The following R3HDM1 variants were observed in gnomAD, a reference collection of about 807,000 sequenced individuals.
R3HDM1 encodes R3H domain-containing protein 1.
A neutral mutation model predicts 141.1 loss-of-function variants in R3HDM1; 46 were observed. That is an observed-to-expected ratio of 0.33 (90% CI 0.26 to 0.42). The LOEUF (loss-of-function observed/expected upper bound fraction) is 0.42, where lower values mean the gene tolerates loss of function less well. Ranked by LOEUF, R3HDM1 falls within the 10% of genes least tolerant of loss-of-function variation. R3HDM1 has a pLI of 1.00. For missense variants in R3HDM1, 1,184 were observed against 1,368.3 expected (o/e 0.87, Z 2.12); for synonymous variants, 435 against 472.9 (o/e 0.92, Z 1.04).
chr2:135,709,963 C>A, intron 22 of R3HDM1, 96 bp from the exon 23 acceptor site: 1 of 1,284,452 alleles, frequency 7.8e-7, no homozygotes, highest in Non-Finnish European at 1.1e-6. Flanking sequence ...AAATTTTATT[C>A]AGAAATGTAA....
At chr2:135,706,420 C>T (rs1008428089) in intron 21 of R3HDM1, among the ~76,000 whole-genome samples, 1 of 147,566 alleles carries the variant, frequency 6.8e-6, no homozygotes, top group African/African-American at 2.5e-5. Context: ...GGGTGTTTCT[C>T]GCAGAGGGGG....
chr2:135,580,433 GT>G (rs1226405257), intron 1 of R3HDM1, among the ~76,000 whole-genome samples: 1 of 151,636 alleles, frequency 6.6e-6, no homozygotes, highest in African/African-American at 2.4e-5. Context: ...TTTATTATTG[GT>G]TTTTTTTGCA....
chr2:135,687,035 T>G (rs1043372871), intron 21 of R3HDM1, among the ~76,000 whole-genome samples: 1 of 152,096 alleles, frequency 6.6e-6, no homozygotes, highest in Non-Finnish European at 1.5e-5. Flanking sequence ...TCATCTCTAC[T>G]GAAAATACAA....
intron 1 of R3HDM1, among the ~76,000 whole-genome samples, chr2:135,588,552 T>A (rs954217612): frequency 6.6e-6 from 1 of 152,208 alleles, no homozygotes; most frequent in Non-Finnish European, 1.5e-5. Flanking sequence ...AATTAAATAC[T>A]ATATTTTAAA....
intron 2 of R3HDM1, among the ~76,000 whole-genome samples, chr2:135,604,489 G>A (rs1200152824): frequency 6.6e-6 from 1 of 152,036 alleles, no homozygotes; most frequent in Non-Finnish European, 1.5e-5. Flanking sequence ...TAGCAATAGG[G>A]TCTTGCTATG....
At chr2:135,593,804 T>A (rs576383560) in intron 1 of R3HDM1, among the ~76,000 whole-genome samples, 6 of 152,308 alleles carry the variant, frequency 3.9e-5, no homozygotes, top group African/African-American at 1.2e-4. Context: ...CACTGCAGTC[T>A]CCACCTCCCA....
chr2:135,706,211 C>G (rs959900265), intron 21 of R3HDM1, among the ~76,000 whole-genome samples: 2 of 151,620 alleles, frequency 1.3e-5, no homozygotes, highest in Non-Finnish European at 2.9e-5. Flanking sequence ...CTTGTAGAAG[C>G]ATTTCACAGC....
intron 7 of R3HDM1, among the ~76,000 whole-genome samples, chr2:135,629,823 G>C (rs1407346820): frequency 6.6e-6 from 1 of 152,102 alleles, no homozygotes; most frequent in African/African-American, 2.4e-5. Flanking sequence ...TTTAACAAAG[G>C]GAGTGATGTG....
At chr2:135,616,057 C>T (rs1387939092) in intron 3 of R3HDM1, 95 bp from the exon 4 acceptor site, 13 of 1,219,002 alleles carry the variant, frequency 1.1e-5, no homozygotes, top group Non-Finnish European at 1.4e-5. Context: ...ATACTTTATG[C>T]ACAGTTAGTT....
intron 21 of R3HDM1, among the ~76,000 whole-genome samples, chr2:135,690,387 T>C (rs1056831342): frequency 6.6e-6 from 1 of 152,164 alleles, no homozygotes; most frequent in Non-Finnish European, 1.5e-5. Context: ...TAAATAAAAT[T>C]TTGATTTTGC....
At chr2:135,546,961 C>T (rs568077072) in intron 1 of R3HDM1, among the ~76,000 whole-genome samples, 2 of 152,136 alleles carry the variant, frequency 1.3e-5, no homozygotes, top group African/African-American at 4.8e-5. Context: ...CATGAGCCAC[C>T]GCGCCCAGCC....
intron 4 of R3HDM1, among the ~76,000 whole-genome samples, 193 bp downstream of exon 4, chr2:135,616,386 T>C (rs1374814303): frequency 6.6e-6 from 1 of 152,182 alleles, no homozygotes; most frequent in Non-Finnish European, 1.5e-5. Flanking sequence ...ATCTTGATGG[T>C]TCTTTATCTG....
intron 16 of R3HDM1, among the ~76,000 whole-genome samples, chr2:135,646,390 C>T (rs1046746732): frequency 2.0e-5 from 3 of 151,568 alleles, no homozygotes; most frequent in Admixed American, 2.0e-4. Flanking sequence ...CCGCCTCGGC[C>T]TCCCAAAGTG....
intron 1 of R3HDM1, among the ~76,000 whole-genome samples, chr2:135,558,429 A>T (rs1701176927): frequency 6.6e-6 from 1 of 152,166 alleles, no homozygotes; most frequent in South Asian, 2.1e-4. Context: ...AGTTTTACAA[A>T]CCTTGCTTGC....
intron 1 of R3HDM1, chr2:135,590,816 A>G (rs1033782115): frequency 1.3e-6 from 1 of 772,510 alleles, no homozygotes; most frequent in Non-Finnish European, 1.6e-6. Flanking sequence ...GAAAGACAGC[A>G]CCTGTTCTGC....
At chr2:135,707,073 TTA>T (rs528671596) in intron 21 of R3HDM1, among the ~76,000 whole-genome samples, 82 of 152,290 alleles carry the variant, frequency 5.4e-4, no homozygotes, top group African/African-American at 1.6e-3. Flanking sequence ...ATTCATAGTT[TTA>T]TGTCAGGACT....
Position 135,641,600 on chromosome 2 carries a change from T to G in R3HDM1, c.1284T>G (p.Leu428=). ...CTCTTTCTCACATCCAGCAGCCTCTTCCAGGTACAGCTCTCAGCCAGTCTT... is the reference window on the plus strand; with the variant it reads ...CTCTTTCTCACATCCAGCAGCCTCTGCCAGGTACAGCTCTCAGCCAGTCTT... The part of the protein sequence containing the change: ...TGSLSHIQQP[L]PGTALSQSSH... The change falls in exon 15 of 27, where the codon CTT becomes CTG. Residue 428 remains leucine, a synonymous_variant. Coordinates refer to ENST00000683871, the MANE Select transcript of R3HDM1 (RefSeq NM_001378107.1). The G allele has an allele frequency of 6.2e-7, 1 of 1,614,162 alleles. No individual in the cohort carries two copies. The highest frequency in any genetic ancestry group is 8.5e-7 in the Non-Finnish European group (1 of 1,180,020).
rs186531815 is a variant in R3HDM1, at chr2:135,634,299, G to A, written c.699-1591G>A. ...GCATAATTTGACAGGAGGCTTTTAC[G>A]TACTTTATTAGAAATTCATAGGTTA... On this transcript the variant is annotated intron_variant, in intron 9 of 26. Coordinates refer to ENST00000683871, the MANE Select transcript of R3HDM1 (RefSeq NM_001378107.1). 4.5e-3 allele frequency among the ~76,000 whole-genome samples: 682 copies of A among 152,028 alleles called. 3 individuals carry two copies. The highest frequency in any genetic ancestry group is 0.01 in the Middle Eastern group (3 of 294).
chr2:135,700,974 C>T (rs2074113148), intron 21 of R3HDM1, among the ~76,000 whole-genome samples: 2 of 152,122 alleles, frequency 1.3e-5, no homozygotes, highest in African/African-American at 2.4e-5. Flanking sequence ...CCTATACATA[C>T]ATGCCTCCGA....
Sources: gnomAD v4.1 joint callset for allele counts (sites outside exome capture counted in the v4.1 genomes callset) on GRCh38, gnomAD v4.1.1 for gene constraint, MANE v1.5 for transcripts, NCBI Gene and HGNC (gene_info 2026-07-23, HGNC 2026-07-21) for gene names.